Variants in MRTFA observed in about 807,000 individuals in gnomAD.
MRTFA encodes the protein myocardin-related transcription factor A.
MRTFA carries 20 observed loss-of-function variants against 83.5 expected under a neutral mutation model. The ratio of observed to expected loss-of-function variants is 0.24; its 90% confidence interval spans 0.17 to 0.35. The LOEUF (loss-of-function observed/expected upper bound fraction) is 0.35. Ranked by LOEUF, MRTFA falls within the 10% of genes least tolerant of loss-of-function variation. The pLI is 1.00. For synonymous variants in MRTFA, 659 were observed against 541.2 expected, an observed-to-expected ratio of 1.22 and a Z score of -3.02; for missense variants, 1,200 against 1,224.7, an observed-to-expected ratio of 0.98 and a Z score of 0.30.
chr22:40,463,411 T>G (rs1602285771), intron 3 of MRTFA, 125 bp from the exon 4 acceptor site: 2 of 740,950 alleles, frequency 2.7e-6, no homozygotes, highest in Admixed American at 2.4e-5. Flanking sequence ...AGGGTCCCCT[T>G]GAAGTGCAAC....
intron 2 of MRTFA, among the ~76,000 whole-genome samples, chr22:40,583,510 G>T (rs2055980056): frequency 6.6e-6 from 1 of 152,218 alleles, no homozygotes; most frequent in Non-Finnish European, 1.5e-5. Context: ...CAGTAAAGCA[G>T]AATCAAAAGA....
intron 6 of MRTFA, 42 bp downstream of exon 6, chr22:40,431,363 G>T: frequency 6.3e-7 from 1 of 1,575,030 alleles, no homozygotes; most frequent in Non-Finnish European, 8.7e-7. Flanking sequence ...TACACACAGT[G>T]AGAACTGGAT....
chr22:40,591,297 C>G (rs1028688341), intron 2 of MRTFA, among the ~76,000 whole-genome samples: 1 of 146,912 alleles, frequency 6.8e-6, no homozygotes, highest in Non-Finnish European at 1.5e-5. Context: ...AAAAAGATAA[C>G]AACTTTCAAA....
At chr22:40,592,527 C>T (rs1178099444) in intron 2 of MRTFA, among the ~76,000 whole-genome samples, 2 of 147,270 alleles carry the variant, frequency 1.4e-5, no homozygotes, top group East Asian at 4.0e-4. Flanking sequence ...CTCACTCTGT[C>T]ACCCAGGCTG....
intron 1 of MRTFA, among the ~76,000 whole-genome samples, chr22:40,601,686 C>T (rs989492365): frequency 1.3e-5 from 2 of 152,092 alleles, no homozygotes; most frequent in African/African-American, 4.8e-5. Context: ...AATGACTGGC[C>T]ATAACCTTTA....
Position 40,481,495 on chromosome 22 carries a change from A to C in MRTFA, c.242-18209T>G, listed in dbSNP as rs372133943. Among the ~76,000 whole-genome samples, 144 of 152,308 alleles carry C rather than the reference A, an allele frequency of 9.5e-4. 7 individuals carry two copies. In the South Asian group the frequency reaches 0.03, roughly 31 times the overall value. ...CATATGCTCTAGCAGGGAAAACATA[A>C]TAAATAAGGTGTACGTATTATAATT... On this transcript the variant is annotated intron_variant, in intron 3 of 14. Coordinates refer to ENST00000355630, the MANE Select transcript of MRTFA (RefSeq NM_020831.6).
At chr22:40,533,252 A>G (rs1207347275) in intron 3 of MRTFA, among the ~76,000 whole-genome samples, 1 of 152,248 alleles carries the variant, frequency 6.6e-6, no homozygotes, top group East Asian at 1.9e-4. Context: ...ACAACAATGT[A>G]TAAAACAGCA....
chr22:40,609,062 G>A (rs976501290), intron 1 of MRTFA, among the ~76,000 whole-genome samples: 1 of 152,050 alleles, frequency 6.6e-6, no homozygotes, highest in African/African-American at 2.4e-5. Flanking sequence ...GGAGGCCGAG[G>A]CAGGCGGATC....
intron 3 of MRTFA, among the ~76,000 whole-genome samples, chr22:40,543,061 A>C (rs952668477): frequency 1.3e-5 from 2 of 152,214 alleles, no homozygotes; most frequent in African/African-American, 4.8e-5. Context: ...TACTGGAATG[A>C]AGTAGGTCAT....
chr22:40,575,680 T>G (rs764153227), intron 2 of MRTFA, among the ~76,000 whole-genome samples: 1 of 152,238 alleles, frequency 6.6e-6, no homozygotes, highest in African/African-American at 2.4e-5. Context: ...AGCACCATTA[T>G]TTTAGTCAAA....
At chr22:40,591,897 G>A (rs1487520515) in intron 2 of MRTFA, among the ~76,000 whole-genome samples, 3 of 152,240 alleles carry the variant, frequency 2.0e-5, no homozygotes, top group African/African-American at 7.2e-5. Context: ...GGACAGTATA[G>A]TATCTCCAGG....
intron 9 of MRTFA, among the ~76,000 whole-genome samples, chr22:40,422,922 C>T (rs763175015): frequency 2.0e-5 from 3 of 152,168 alleles, no homozygotes; most frequent in Non-Finnish European, 4.4e-5. Flanking sequence ...GTCAGGGAGG[C>T]GTGGGCCAGG....
At chr22:40,499,388 G>A (rs1481857890) in intron 3 of MRTFA, among the ~76,000 whole-genome samples, 1 of 152,140 alleles carries the variant, frequency 6.6e-6, no homozygotes, top group Non-Finnish European at 1.5e-5. Flanking sequence ...ACAAAACTGA[G>A]GAGCAGAGGT....
chr22:40,618,110 T>C (rs1039797087), intron 1 of MRTFA, among the ~76,000 whole-genome samples: 2 of 151,694 alleles, frequency 1.3e-5, no homozygotes, highest in Admixed American at 1.3e-4. Flanking sequence ...AGTCTCGCTC[T>C]GTTGCCCAGG....
intron 1 of MRTFA, among the ~76,000 whole-genome samples, chr22:40,619,195 C>T (rs1427809896): frequency 1.3e-5 from 2 of 151,682 alleles, no homozygotes; most frequent in South Asian, 4.2e-4. Flanking sequence ...CCTAGATAAT[C>T]TGGATGGGCC....
At chr22:40,554,667 C>T (rs926324066) in intron 2 of MRTFA, among the ~76,000 whole-genome samples, 1 of 152,220 alleles carries the variant, frequency 6.6e-6, no homozygotes, top group Non-Finnish European at 1.5e-5. Flanking sequence ...AGTTTGAGAA[C>T]AGACTAATAG....
chr22:40,433,299 G>C (rs1290438359), intron 5 of MRTFA: 1 of 152,474 alleles, frequency 6.6e-6, no homozygotes, highest in East Asian at 1.9e-4. Context: ...AGGCATTCAT[G>C]ACCACTGAAG....
chr22:40,508,430 T>C (rs1165020151), intron 3 of MRTFA, among the ~76,000 whole-genome samples: 1 of 145,246 alleles, frequency 6.9e-6, no homozygotes, highest in African/African-American at 2.6e-5. Context: ...GAGAATTGTT[T>C]GAACTCGGGA....
intron 4 of MRTFA, among the ~76,000 whole-genome samples, chr22:40,441,094 G>C (rs962226841): frequency 1.2e-4 from 18 of 152,296 alleles, no homozygotes; most frequent in African/African-American, 4.3e-4. Context: ...AAAGACAAGA[G>C]TCATGTGTGT....
Sources: gnomAD v4.1 joint callset for allele counts (sites outside exome capture counted in the v4.1 genomes callset) on GRCh38, gnomAD v4.1.1 for gene constraint, MANE v1.5 for transcripts, NCBI Gene and HGNC (gene_info 2026-07-23, HGNC 2026-07-21) for gene names.